The following XCR1 variants were observed in gnomAD, a reference collection of about 807,000 sequenced individuals.
The protein encoded by XCR1 is X-C motif chemokine receptor 1, also known as chemokine XC receptor 1.
For missense variants in XCR1, 356 were observed against 424.2 expected (o/e 0.84, Z 1.41); for synonymous variants, 187 against 188.5 (o/e 0.99, Z 0.06).
chr3:46,069,243 G>GA (rs1157456533), intron 3 of XCR1, among the ~76,000 whole-genome samples: 1 of 151,258 alleles, frequency 6.6e-6, no homozygotes, highest in Non-Finnish European at 1.5e-5. Context: ...AGAAAAAAAG[G>GA]AAAAAAATAA....
intron 4 of XCR1, among the ~76,000 whole-genome samples, chr3:46,058,146 A>G (rs944718734): frequency 2.0e-5 from 3 of 152,202 alleles, no homozygotes; most frequent in East Asian, 1.9e-4. Flanking sequence ...GTATGATTCA[A>G]TTTAAGGCCA....
chr3:46,018,583 C>G lies in XCR1; in HGVS notation c.*2363G>C, dbSNP rs1313252708. On this transcript the variant is annotated 3_prime_UTR_variant, in exon 2 of 2. Transcript: ENST00000309285. ...CCCACCTGTAGGCTGGCAGGTAGGT[C>G]CATGGGAGCCCCTTCCCTTCACTGG... The G allele has an allele frequency of 6.6e-6, 1 of 152,212 alleles. No individual in the cohort carries two copies. The highest frequency in any genetic ancestry group is 1.5e-5 in the Non-Finnish European group (1 of 68,086). The allele number at this position is 152,212 out of a possible 1,614,324, so 9.4% of individuals were successfully genotyped here.
chr3:46,065,634 T>C (rs909063375), intron 4 of XCR1, among the ~76,000 whole-genome samples: 3 of 152,130 alleles, frequency 2.0e-5, no homozygotes, highest in African/African-American at 7.2e-5. Context: ...CAATTAGAGT[T>C]GGGGAAATGC....
At chr3:46,071,786 A>AC (rs1698167921) in intron 3 of XCR1, among the ~76,000 whole-genome samples, 1 of 152,132 alleles carries the variant, frequency 6.6e-6, no homozygotes, top group South Asian at 2.1e-4. Flanking sequence ...CACTCAACAA[A>AC]CTAGGCACAG....
At chr3:46,058,623 G>T (rs182519798) in intron 4 of XCR1, among the ~76,000 whole-genome samples, 1 of 152,248 alleles carries the variant, frequency 6.6e-6, no homozygotes, top group Admixed American at 6.5e-5. Flanking sequence ...TCATGGCTTA[G>T]TGCAGCTTCT....
chr3:46,038,027 TTTG>T (rs1251073206), intron 5 of XCR1, among the ~76,000 whole-genome samples: 1 of 108,694 alleles, frequency 9.2e-6, no homozygotes, highest in East Asian at 3.0e-4. Flanking sequence ...GGGTTTGTTT[TTTG>T]TTTTTTTTTT....
At chr3:46,052,569 C>T (rs1253023569) in intron 5 of XCR1, among the ~76,000 whole-genome samples, 3 of 152,178 alleles carry the variant, frequency 2.0e-5, no homozygotes, top group African/African-American at 7.2e-5. Flanking sequence ...TAACACTTTC[C>T]CATTTTAGAG....
rs776413710 is a variant in XCR1 at position 46,068,730 on chromosome 3, C to A, written c.-262-1752G>T. Among the ~76,000 whole-genome samples the A allele has an allele frequency of 6.6e-5, 10 of 151,866 alleles. No individual in the cohort carries two copies. In the East Asian group the frequency reaches 1.9e-3, roughly 29 times the overall value. ...ATCTGCCATCAGCCTTGTTTTTTTC[C>A]AAAATCAGAATTTGTTCTCTGCTGT... On this transcript the variant is annotated intron_variant, in intron 3 of 5. Transcript: ENST00000683768.
chr3:46,020,740 A>C lies in XCR1; in HGVS notation c.*206T>G, dbSNP rs1431924490. 1.5e-6 allele frequency: 1 copy of C among 656,272 alleles called. No individual in the cohort carries two copies. The highest frequency in any genetic ancestry group is 1.8e-5 in the African/African-American group (1 of 54,980). The allele number at this position is 656,272 out of a possible 1,614,324, so 40.7% of individuals were successfully genotyped here. Reference sequence around the variant, plus strand: ...AAATGTTTTTTTGGATGGCAGTATAAAATTCCCAGGTAGGAAGCCACTTTC... The same window carrying C: ...AAATGTTTTTTTGGATGGCAGTATACAATTCCCAGGTAGGAAGCCACTTTC... On this transcript the variant is annotated 3_prime_UTR_variant, in exon 2 of 2. Coordinates refer to ENST00000309285, the MANE Select transcript of XCR1 (RefSeq NM_001024644.2).
chr3:46,031,047 G>T (rs1250339756), upstream of XCR1, among the ~76,000 whole-genome samples: 3 of 152,212 alleles, frequency 2.0e-5, no homozygotes, highest in Non-Finnish European at 4.4e-5. Context: ...TGTGGCTGGG[G>T]CTGCATGCTC....
intron 4 of XCR1, among the ~76,000 whole-genome samples, chr3:46,066,525 C>T (rs563118593): frequency 1.3e-4 from 20 of 152,290 alleles, no homozygotes; most frequent in Admixed American, 7.2e-4. Flanking sequence ...TTATAGGCGT[C>T]GGCCATCCCG....
At chr3:46,047,146 C>T (rs1387148650) in intron 5 of XCR1, among the ~76,000 whole-genome samples, 1 of 152,176 alleles carries the variant, frequency 6.6e-6, no homozygotes, top group African/African-American at 2.4e-5. Flanking sequence ...ACATACTGAG[C>T]TGTTTGAATA....
At chr3:46,061,749 C>T (rs938493633) in intron 4 of XCR1, among the ~76,000 whole-genome samples, 3 of 152,058 alleles carry the variant, frequency 2.0e-5, no homozygotes, top group African/African-American at 2.4e-5. Flanking sequence ...GGGGGTTAGG[C>T]GGCTGATGCC....
At chr3:46,051,344 G>T (rs1264266473) in intron 5 of XCR1, among the ~76,000 whole-genome samples, 2 of 152,110 alleles carry the variant, frequency 1.3e-5, no homozygotes, top group African/African-American at 4.8e-5. Context: ...GTGACATAAG[G>T]CTGAAAAGTA....
At chr3:46,067,273 A>T (rs1259816123) in intron 3 of XCR1, among the ~76,000 whole-genome samples, 1 of 152,142 alleles carries the variant, frequency 6.6e-6, no homozygotes, top group Non-Finnish European at 1.5e-5. Context: ...GTGATGTCAA[A>T]GGGGGATCAG....
chr3:46,062,803 C>T (rs6764189), intron 4 of XCR1, among the ~76,000 whole-genome samples: 113,157 of 152,190 alleles, frequency 0.74, 42,457 homozygotes, highest in East Asian at 0.99. Flanking sequence ...GAGGGCCTGT[C>T]GTCTCCGATG....
chr3:46,039,243 T>A (rs1697491757), intron 5 of XCR1, among the ~76,000 whole-genome samples: 1 of 152,166 alleles, frequency 6.6e-6, no homozygotes, highest in Non-Finnish European at 1.5e-5. Flanking sequence ...GGTATTTAAG[T>A]GAAAGGAGAT....
chr3:46,033,182 TCA>T (rs1177184392), intron 5 of XCR1, among the ~76,000 whole-genome samples: 1 of 152,094 alleles, frequency 6.6e-6, no homozygotes, highest in African/African-American at 2.4e-5. Flanking sequence ...CAAAAACTCC[TCA>T]GTTTGGGGTC....
intron 5 of XCR1, among the ~76,000 whole-genome samples, chr3:46,041,291 G>A (rs1697532860): frequency 6.6e-6 from 1 of 152,190 alleles, no homozygotes; most frequent in Non-Finnish European, 1.5e-5. Context: ...AGAGGTTCCA[G>A]CAAAGCCAAT....
Sources: allele counts gnomAD v4.1 joint callset (sites outside exome capture counted in the v4.1 genomes callset), GRCh38; gene constraint gnomAD v4.1.1; transcripts MANE v1.5; gene names NCBI Gene and HGNC (gene_info 2026-07-23, HGNC 2026-07-21).